The following PATJ variants were observed in gnomAD, a reference collection of about 807,000 sequenced individuals.
PATJ encodes the protein PATJ crumbs cell polarity complex component, also known as inaD-like protein.
Under a neutral mutation model 224.9 loss-of-function variants are expected in PATJ, and 190 were observed. That is an observed-to-expected ratio of 0.84 (90% CI 0.75 to 0.95). The LOEUF (loss-of-function observed/expected upper bound fraction) is 0.95, where lower values mean the gene tolerates loss of function less well. Ranked by LOEUF, PATJ falls within the 40% of genes least tolerant of loss-of-function variation. The pLI is 0.00. For synonymous variants in PATJ, 769 were observed against 820.3 expected (o/e 0.94, Z 1.07); for missense variants, 2,121 against 2,270.3 (o/e 0.93, Z 1.34).
At chr1:62,024,690 ACACACAC>A (rs1647479176) in intron 29 of PATJ, among the ~76,000 whole-genome samples, 1 of 143,636 alleles carries the variant, frequency 7.0e-6, no homozygotes, top group Non-Finnish European at 1.5e-5. Flanking sequence ...ACACACACAC[ACACACAC>A]ACACACACAC....
chr1:61,932,418 G>A (rs894415010), intron 27 of PATJ, among the ~76,000 whole-genome samples: 3 of 152,194 alleles, frequency 2.0e-5, no homozygotes, highest in Non-Finnish European at 4.4e-5. Context: ...AGCCAGCAAG[G>A]AGCACTTCCA....
rs554247205 is a variant in PATJ, at chr1:62,107,267, C to T, written c.4378-1170C>T. ...CTTGCAGTGAGCCAAGATGGCACCA[C>T]TGCACTCCAGCCTGGGCGACAGAGT... On this transcript the variant is annotated intron_variant, in intron 33 of 43. Coordinates refer to ENST00000642238, the MANE Select transcript of PATJ (RefSeq NM_001350145.3). Among the ~76,000 whole-genome samples, 15 of 151,104 alleles carry T rather than the reference C, an allele frequency of 9.9e-5. No individual in the cohort carries two copies. The South Asian group carries it at 2.7e-3, about 28-fold the overall frequency.
rs551275933 is a variant in PATJ at position 61,952,226 on chromosome 1, C to T, written c.3670+24397C>T. On this transcript the variant is annotated intron_variant, in intron 27 of 43. Transcript: ENST00000642238. ...GCTTTTCCTGATATAAATAGATTGA[C>T]AGGTTGCCCTTAAAGAGAACAAAAT... is the stretch of plus-strand genomic sequence containing the variant. 1.7e-5 allele frequency: 8 copies of T among 482,184 alleles called. No individual in the cohort carries two copies. In the South Asian group the frequency reaches 3.0e-4, roughly 18 times the overall value. The allele number at this position is 482,184 out of a possible 1,614,324, so 29.9% of individuals were successfully genotyped here.
chr1:62,029,630 A>G (rs1393460121), intron 29 of PATJ, among the ~76,000 whole-genome samples: 1 of 152,206 alleles, frequency 6.6e-6, no homozygotes, highest in African/African-American at 2.4e-5. Flanking sequence ...ACAGTGAAAT[A>G]CCCTTAGAAG....
intron 22 of PATJ, among the ~76,000 whole-genome samples, chr1:61,897,539 A>T (rs1306539897): frequency 2.0e-5 from 3 of 152,176 alleles, no homozygotes; most frequent in Non-Finnish European, 4.4e-5. Flanking sequence ...TGATTTGAAG[A>T]TGAATGTTTT....
intron 28 of PATJ, among the ~76,000 whole-genome samples, chr1:62,007,859 CA>C (rs1214181901): frequency 1.3e-5 from 2 of 152,170 alleles, no homozygotes; most frequent in African/African-American, 4.8e-5. Context: ...TGTTACTTCC[CA>C]AAGGCCCCAC....
At chr1:61,921,056 CT>C (rs1298912898) in intron 26 of PATJ, among the ~76,000 whole-genome samples, 4 of 152,070 alleles carry the variant, frequency 2.6e-5, no homozygotes. Context: ...TCTCTTCCAC[CT>C]CAAGCTAAGA....
At chr1:62,102,595 G>A (rs1662312254) in intron 33 of PATJ, among the ~76,000 whole-genome samples, 1 of 152,040 alleles carries the variant, frequency 6.6e-6, no homozygotes, top group African/African-American at 2.4e-5. Context: ...GCTCACGCCT[G>A]TAATCTCAAC....
intron 27 of PATJ, among the ~76,000 whole-genome samples, chr1:61,930,908 G>A (rs972687764): frequency 2.6e-5 from 4 of 152,080 alleles, no homozygotes; most frequent in Non-Finnish European, 4.4e-5. Context: ...TCTCCATGTT[G>A]GTCAGGCTGG....
intron 28 of PATJ, among the ~76,000 whole-genome samples, chr1:62,017,307 G>A (rs1262638695): frequency 2.0e-5 from 3 of 151,800 alleles, no homozygotes; most frequent in East Asian, 1.9e-4. Flanking sequence ...CCAGCTACTC[G>A]GGAGGCTGAG....
At chr1:62,025,433 A>G (rs1483736924) in intron 29 of PATJ, among the ~76,000 whole-genome samples, 4 of 152,176 alleles carry the variant, frequency 2.6e-5, no homozygotes, top group East Asian at 1.9e-4. Flanking sequence ...TGAGGGCTGT[A>G]TATTAAGGTC....
intron 32 of PATJ, among the ~76,000 whole-genome samples, chr1:62,079,903 C>T (rs1177869901): frequency 6.6e-6 from 1 of 151,920 alleles, no homozygotes; most frequent in Non-Finnish European, 1.5e-5. Flanking sequence ...TGGCGCATGC[C>T]TGTAATCCCA....
intron 27 of PATJ, among the ~76,000 whole-genome samples, chr1:61,978,030 A>G (rs1006757969): frequency 3.9e-5 from 6 of 151,934 alleles, no homozygotes; most frequent in Non-Finnish European, 8.8e-5. Flanking sequence ...GAAATAAAAC[A>G]TTACTAATAC....
At chr1:61,914,802 C>A in intron 26 of PATJ, 138 bp downstream of exon 26, 1 of 484,294 alleles carries the variant, frequency 2.1e-6, no homozygotes, top group Non-Finnish European at 3.8e-6. Flanking sequence ...ATTTTTTTCC[C>A]TGCAAATATG....
chr1:61,937,399 T>C (rs1677048273), intron 27 of PATJ, among the ~76,000 whole-genome samples: 1 of 151,962 alleles, frequency 6.6e-6, no homozygotes, highest in Admixed American at 6.6e-5. Flanking sequence ...TTATAGAAAA[T>C]TAGGAAACTT....
intron 1 of PATJ, among the ~76,000 whole-genome samples, chr1:61,748,403 C>T (rs565010892): frequency 8.8e-4 from 133 of 151,232 alleles, no homozygotes; most frequent in African/African-American, 3.1e-3. Flanking sequence ...TGCAGGCATG[C>T]ACCACCACGT....
At chr1:62,062,313 G>GTTTTGA (rs997416852) in intron 31 of PATJ, among the ~76,000 whole-genome samples, 43 of 146,572 alleles carry the variant, frequency 2.9e-4, no homozygotes, top group African/African-American at 1.0e-3. Context: ...GTATCTCATG[G>GTTTTGA]TTTTGATTTG....
chr1:62,102,166 G>A (rs778176972), intron 33 of PATJ, among the ~76,000 whole-genome samples: 40 of 150,826 alleles, frequency 2.7e-4, no homozygotes, highest in African/African-American at 8.6e-4. Flanking sequence ...ACAACAAAGC[G>A]AGACCCTGTC....
intron 27 of PATJ, among the ~76,000 whole-genome samples, chr1:61,955,180 TG>T (rs1239167211): frequency 6.6e-6 from 1 of 152,174 alleles, no homozygotes; most frequent in Non-Finnish European, 1.5e-5. Context: ...ATAGAATGCT[TG>T]GAGGGGTTTA....
Sources: gnomAD v4.1 joint callset for allele counts (sites outside exome capture counted in the v4.1 genomes callset) on GRCh38, gnomAD v4.1.1 for gene constraint, MANE v1.5 for transcripts, NCBI Gene and HGNC (gene_info 2026-07-23, HGNC 2026-07-21) for gene names.